HDAC8: variants seen among roughly 807,000 people sequenced by gnomAD.
The protein encoded by HDAC8 is histone deacetylase 8.
HDAC8 carries 1 observed loss-of-function variant against 32.2 expected under a neutral mutation model. That is an observed-to-expected ratio of 0.03 (90% confidence interval 0.01 to 0.15). HDAC8 has a LOEUF of 0.15. HDAC8 is among the 10% of genes least tolerant of loss of function. HDAC8 has a pLI of 1.00. For missense variants in HDAC8, 117 were observed against 300.0 expected (o/e 0.39, Z 4.51); for synonymous variants, 108 against 113.9 (o/e 0.95, Z 0.33).
intron 9 of HDAC8, among the ~76,000 whole-genome samples, chrX:72,387,853 A>G (rs1387537053): frequency 9.0e-6 from 1 of 111,099 alleles, no homozygotes; most frequent in Admixed American, 9.6e-5. Context: ...GAGACAGATG[A>G]GTAAATGAAT....
At chrX:72,396,002 G>T (rs1555965522) in intron 9 of HDAC8, among the ~76,000 whole-genome samples, 1 of 111,880 alleles carries the variant, frequency 8.9e-6, no homozygotes, top group Non-Finnish European at 1.9e-5. Context: ...GGCTGGAAAT[G>T]ATCTTAATGT....
In HDAC8 at chrX:72,572,642, T is replaced by C; in HGVS notation, c.111+9A>G. On this transcript the variant is annotated intron_variant, in intron 1 of 10. Coordinates refer to ENST00000373573, the MANE Select transcript of HDAC8 (RefSeq NM_018486.3). The stretch of plus-strand genomic sequence containing the variant: ...AAAGCCCATGGTCTTTCATCCCGAC[T>C]TCCCTTACCCGTTTGGGGATCTTGG... The C allele has an allele frequency of 3.2e-6, 1 of 313,246 alleles. No individual in the cohort carries two copies. Among genetic ancestry groups the C allele is most frequent in the Non-Finnish European group, 5.2e-6 (1 of 190,636 alleles). The allele number at this position is 313,246 out of a possible 1,213,427, so 25.8% of individuals were successfully genotyped here.
intron 9 of HDAC8, among the ~76,000 whole-genome samples, chrX:72,435,223 G>C: frequency 8.9e-6 from 1 of 111,977 alleles, no homozygotes; most frequent in Non-Finnish European, 1.9e-5. Context: ...ACCACACTGG[G>C]TGAGAGTCAC....
chrX:72,408,225 T>C (rs2046098162), intron 9 of HDAC8, among the ~76,000 whole-genome samples: 1 of 111,255 alleles, frequency 9.0e-6, no homozygotes. Context: ...CGCTCATTAG[T>C]GCTATAGCTG....
intron 4 of HDAC8, among the ~76,000 whole-genome samples, chrX:72,500,059 C>A (rs1334742529): frequency 9.0e-6 from 1 of 111,064 alleles, no homozygotes; most frequent in East Asian, 2.8e-4. Flanking sequence ...GACATATACA[C>A]CCTCCTAAGA....
chrX:72,525,530 G>A (rs894328186), intron 4 of HDAC8, among the ~76,000 whole-genome samples: 45 of 110,312 alleles, frequency 4.1e-4, no homozygotes, highest in African/African-American at 1.4e-3. Context: ...TTTACTAAAT[G>A]CTCTCTGTTC....
intron 4 of HDAC8, among the ~76,000 whole-genome samples, chrX:72,502,699 G>A (rs1474038945): frequency 9.1e-6 from 1 of 110,346 alleles, no homozygotes; most frequent in Non-Finnish European, 1.9e-5. Context: ...GAGGCGGGCG[G>A]ATCACAAGGT....
chrX:72,333,397 G>T, intron 10 of HDAC8, among the ~76,000 whole-genome samples: 1 of 112,095 alleles, frequency 8.9e-6, no homozygotes, highest in Non-Finnish European at 1.9e-5. Context: ...TGCTCAAAAA[G>T]ACTTCAGCAG....
chrX:72,570,871 CAGTT>C (rs782076518), intron 2 of HDAC8, among the ~76,000 whole-genome samples: 3 of 112,023 alleles, frequency 2.7e-5, no homozygotes, highest in South Asian at 7.4e-4. Flanking sequence ...TTGGAAGAAA[CAGTT>C]AGCTCTCTCT....
At chrX:72,557,703 C>T (rs781921823) in intron 4 of HDAC8, among the ~76,000 whole-genome samples, 3 of 111,012 alleles carry the variant, frequency 2.7e-5, no homozygotes, top group African/African-American at 9.8e-5. Flanking sequence ...CAAGCCCAAA[C>T]CCAGCAGAAG....
At chrX:72,357,561 T>TG (rs1456947800) in intron 9 of HDAC8, among the ~76,000 whole-genome samples, 2 of 110,663 alleles carry the variant, frequency 1.8e-5, no homozygotes, top group African/African-American at 6.6e-5. Context: ...GGCTGAAAGG[T>TG]GTCTTCTGAT....
intron 6 of HDAC8, 57 bp from the exon 7 acceptor site, chrX:72,489,098 T>G (rs782058494): frequency 4.0e-4 from 333 of 825,050 alleles, no homozygotes; most frequent in Non-Finnish European, 5.5e-4. Flanking sequence ...CCCAGAAAAC[T>G]TAAAGGATTT....
intron 10 of HDAC8, among the ~76,000 whole-genome samples, chrX:72,332,714 C>T (rs1384788422): frequency 9.1e-6 from 1 of 109,392 alleles, no homozygotes; most frequent in Non-Finnish European, 1.9e-5. Flanking sequence ...TGCAGTGGTG[C>T]GATCTCGGCT....
At chrX:72,362,891 T>C (rs2044596209) in intron 9 of HDAC8, among the ~76,000 whole-genome samples, 2 of 111,590 alleles carry the variant, frequency 1.8e-5, no homozygotes, top group Non-Finnish European at 3.8e-5. Flanking sequence ...TGAAAATGAC[T>C]ATTAAGAAAG....
rs782012930 is a variant in HDAC8 at position 72,568,883 on chromosome X, T to C, written c.166A>G (p.Ile56Val). ...ATGGAGGCCACTTTAGGCTTAACTA[T>C]CCTAATAATAACAGAGAGAACAAAG... ...EAYALHKQMR[I>V]VKPKVASMEE... is the part of the protein sequence containing the mutation. Residue 56 changes from isoleucine (I) to valine (V), a missense_variant and splice_region_variant, in exon 3 of 11, where the codon ATA becomes GTA. Transcript: ENST00000373573. The C allele has an allele frequency of 1.0e-5, 12 of 1,205,750 alleles. No individual in the cohort carries two copies. In the Admixed American group the frequency reaches 2.6e-4, roughly 27 times the overall value.
At chrX:72,507,425 C>A (rs2049430548) in intron 4 of HDAC8, among the ~76,000 whole-genome samples, 1 of 111,377 alleles carries the variant, frequency 9.0e-6, no homozygotes. Context: ...CCCTGTGTAC[C>A]CTAGAAAGCA....
chrX:72,364,114 G>A (rs1351130477), intron 9 of HDAC8, among the ~76,000 whole-genome samples: 3 of 111,320 alleles, frequency 2.7e-5, no homozygotes, highest in Non-Finnish European at 5.7e-5. Flanking sequence ...CCTGCTTTAG[G>A]ACATCAAGAG....
At chrX:72,350,781 G>A (rs955277522) in intron 10 of HDAC8, among the ~76,000 whole-genome samples, 14 of 112,384 alleles carry the variant, frequency 1.2e-4, no homozygotes, top group African/African-American at 4.5e-4. Context: ...CAAACAGCCA[G>A]TGGACAGTGG....
At chrX:72,421,261 T>C (rs2046482215) in intron 9 of HDAC8, among the ~76,000 whole-genome samples, 1 of 111,577 alleles carries the variant, frequency 9.0e-6, no homozygotes, top group East Asian at 2.8e-4. Flanking sequence ...CAGGTGTACA[T>C]GTGGAGGTTT....
Sources: gnomAD v4.1 joint callset for allele counts (sites outside exome capture counted in the v4.1 genomes callset) on GRCh38, gnomAD v4.1.1 for gene constraint, MANE v1.5 for transcripts, NCBI Gene and HGNC (gene_info 2026-07-23, HGNC 2026-07-21) for gene names.